TNS3: variants seen among roughly 807,000 people sequenced by gnomAD.
The protein encoded by TNS3 is tensin-3.
Under a neutral mutation model 140.9 loss-of-function variants are expected in TNS3, and 45 were observed. That is an observed-to-expected ratio of 0.32 (90% confidence interval 0.25 to 0.41). The LOEUF is 0.41. Among genes scored for constraint, TNS3 ranks in the 10% least tolerant of loss-of-function variants. TNS3 has a pLI of 1.00. For synonymous variants in TNS3, 815 were observed against 788.4 expected (o/e 1.03, Z -0.56); for missense variants, 1,716 against 1,906.7 (o/e 0.90, Z 1.86).
At chr7:47,465,413 G>C (rs1288788260) in intron 4 of TNS3, among the ~76,000 whole-genome samples, 2 of 152,154 alleles carry the variant, frequency 1.3e-5, no homozygotes, top group Non-Finnish European at 2.9e-5. Flanking sequence ...CAGCCAGCCT[G>C]AGCTCTGTGC....
chr7:47,567,110 T>A (rs989852378), intron 1 of TNS3, among the ~76,000 whole-genome samples: 2 of 150,096 alleles, frequency 1.3e-5, no homozygotes, highest in Non-Finnish European at 3.0e-5. Context: ...ACATATGTAA[T>A]CATTTTTTAA....
At chr7:47,448,669 A>G (rs1051869625) in intron 4 of TNS3, among the ~76,000 whole-genome samples, 4 of 152,022 alleles carry the variant, frequency 2.6e-5, no homozygotes, top group Non-Finnish European at 4.4e-5. Context: ...TAGTAGAGAC[A>G]GGGCTTCACC....
chr7:47,298,731 T>C (rs545308570), intron 23 of TNS3, among the ~76,000 whole-genome samples: 5 of 152,244 alleles, frequency 3.3e-5, no homozygotes, highest in African/African-American at 4.8e-5. Context: ...GCCCCTCACA[T>C]GCCCCCAGGC....
intron 1 of TNS3, among the ~76,000 whole-genome samples, chr7:47,537,974 C>G (rs1042981682): frequency 3.6e-5 from 5 of 139,974 alleles, no homozygotes; most frequent in African/African-American, 5.4e-5. Flanking sequence ...GCACCCCCCC[C>G]ACCCCCCGCC....
At chr7:47,434,559 T>C (rs1028092202) in intron 8 of TNS3, among the ~76,000 whole-genome samples, 3 of 152,208 alleles carry the variant, frequency 2.0e-5, no homozygotes, top group Non-Finnish European at 4.4e-5. Flanking sequence ...CTCAGTGAGT[T>C]TGCTTTCAGT....
intron 4 of TNS3, among the ~76,000 whole-genome samples, chr7:47,450,000 C>G (rs151042623): frequency 6.6e-6 from 1 of 152,198 alleles, no homozygotes; most frequent in Non-Finnish European, 1.5e-5. Context: ...GCGGATCCAG[C>G]AGAGGCACTG....
chr7:47,286,719 C>T (rs192754545), intron 27 of TNS3, among the ~76,000 whole-genome samples: 41 of 152,274 alleles, frequency 2.7e-4, no homozygotes, highest in Admixed American at 2.4e-3. Flanking sequence ...AAAGATGGTC[C>T]TCTAAGCATT....
chr7:47,455,114 G>A (rs751963160), intron 4 of TNS3, among the ~76,000 whole-genome samples: 2 of 152,182 alleles, frequency 1.3e-5, no homozygotes, highest in Admixed American at 6.5e-5. Flanking sequence ...CTGTCCACAT[G>A]GGATGTCGGG....
intron 20 of TNS3, among the ~76,000 whole-genome samples, chr7:47,320,723 A>G (rs2078016930): frequency 6.6e-6 from 1 of 152,078 alleles, no homozygotes; most frequent in Non-Finnish European, 1.5e-5. Flanking sequence ...TTCTCCAAAC[A>G]CTCACATCCT....
At position 47,418,216 on chromosome 7, in the gene TNS3, T is replaced by C. The variant is rs7790346; in HGVS notation, c.474-3010A>G. ...ACACAGGAAGCTGAGGCATGAGAAT[T>C]GCTTGAACCAGGAGGCAGAGGTTGC... is the stretch of plus-strand genomic sequence containing the variant. On this transcript the variant is annotated intron_variant, in intron 10 of 30. Coordinates refer to ENST00000311160, the MANE Select transcript of TNS3 (RefSeq NM_022748.12). 5.8e-3 allele frequency among the ~76,000 whole-genome samples: 888 copies of C among 152,244 alleles called. 9 individuals carry two copies. Among genetic ancestry groups the C allele is most frequent in the African/African-American group, 0.02 (849 of 41,536 alleles).
intron 1 of TNS3, among the ~76,000 whole-genome samples, chr7:47,533,171 C>T (rs1423085190): frequency 4.8e-5 from 6 of 124,536 alleles, no homozygotes; most frequent in African/African-American, 6.4e-5. Flanking sequence ...CTCGCTCTGT[C>T]GCCCACACTG....
At chr7:47,415,917 C>T (rs1248939496) in intron 10 of TNS3, among the ~76,000 whole-genome samples, 1 of 152,248 alleles carries the variant, frequency 6.6e-6, no homozygotes, top group East Asian at 1.9e-4. Flanking sequence ...CATCTGACTG[C>T]TGGGGTCCTC....
At chr7:47,487,296 A>AG (rs1797647708) in intron 3 of TNS3, among the ~76,000 whole-genome samples, 1 of 64,894 alleles carries the variant, frequency 1.5e-5, no homozygotes, top group Non-Finnish European at 3.8e-5. Flanking sequence ...CCGTCTCAAA[A>AG]GAAAAAAAAA....
intron 10 of TNS3, among the ~76,000 whole-genome samples, chr7:47,416,164 CCAAA>C (rs1794071415): frequency 6.6e-6 from 1 of 152,198 alleles, no homozygotes; most frequent in Admixed American, 6.5e-5. Flanking sequence ...CAAGAAAAAC[CCAAA>C]CAATCAAAAA....
chr7:47,392,524 G>A (rs1034474562), intron 16 of TNS3, among the ~76,000 whole-genome samples: 6 of 152,124 alleles, frequency 3.9e-5, no homozygotes, highest in African/African-American at 9.7e-5. Flanking sequence ...AGAGAGTGCC[G>A]CAATACATCA....
chr7:47,369,335 A>C lies in TNS3; in HGVS notation c.1311T>G (p.Pro437=). 1 of 1,614,158 alleles carries C rather than the reference A, an allele frequency of 6.2e-7. No homozygotes were observed. Among genetic ancestry groups the C allele is most frequent in the Non-Finnish European group, 8.5e-7 (1 of 1,180,034 alleles). ...CAGTCATTTCCTTGAGGGAGCTTCCAGGATCTTCCAGGCCAAAGCCACTGA... is the reference window on the plus strand; with the variant it reads ...CAGTCATTTCCTTGAGGGAGCTTCCCGGATCTTCCAGGCCAAAGCCACTGA... ...QLLSGFGLED[P]GSSLKEMTDA... The change falls in exon 17 of 31, where the codon CCT becomes CCG. Residue 437 remains proline (P), a synonymous_variant. Coordinates refer to ENST00000311160, the MANE Select transcript of TNS3 (RefSeq NM_022748.12).
intron 4 of TNS3, among the ~76,000 whole-genome samples, chr7:47,471,562 C>T (rs538208336): frequency 2.0e-5 from 3 of 152,210 alleles, no homozygotes; most frequent in South Asian, 2.1e-4. Context: ...CCTGGGGTGA[C>T]AGAAGCCTCA....
intron 1 of TNS3, among the ~76,000 whole-genome samples, chr7:47,570,824 TC>T (rs1265787251): frequency 6.6e-6 from 1 of 151,894 alleles, no homozygotes; most frequent in East Asian, 1.9e-4. Context: ...TTTTTTTCTT[TC>T]TTTTTTTTTT....
chr7:47,384,585 T>A (rs1791966350), intron 16 of TNS3, among the ~76,000 whole-genome samples: 1 of 152,248 alleles, frequency 6.6e-6, no homozygotes, highest in Non-Finnish European at 1.5e-5. Context: ...GAATTTCTCA[T>A]GACATACCCT....
Sources: allele counts gnomAD v4.1 joint callset (sites outside exome capture counted in the v4.1 genomes callset), GRCh38; gene constraint gnomAD v4.1.1; transcripts MANE v1.5; gene names NCBI Gene and HGNC (gene_info 2026-07-23, HGNC 2026-07-21).